The following SPTBN1 variants were observed in gnomAD, a reference collection of about 807,000 sequenced individuals.
SPTBN1 encodes the protein spectrin beta chain, non-erythrocytic 1.
SPTBN1 carries 32 observed loss-of-function variants against 266.4 expected under a neutral mutation model. The observed-to-expected ratio is 0.12, with a 90% CI of 0.09 to 0.16. The LOEUF (loss-of-function observed/expected upper bound fraction) is 0.16. SPTBN1 is among the 10% of genes least tolerant of loss of function. The probability of loss-of-function intolerance (pLI) is 1.00; values close to 1 mark genes in which losing one functional copy is unlikely to be tolerated. For missense variants in SPTBN1, 2,296 were observed against 3,067.1 expected (o/e 0.75, Z 5.94); for synonymous variants, 1,336 against 1,162.2 (o/e 1.15, Z -3.04).
At position 54,667,953 on chromosome 2, in the gene SPTBN1, G is replaced by A. The variant is rs559283215; in HGVS notation, c.6876+307G>A. Among the ~76,000 whole-genome samples, 5 of 152,192 alleles carry A rather than the reference G, an allele frequency of 3.3e-5. No homozygotes were observed. The South Asian group carries it at 1.0e-3, about 32-fold the overall frequency. The stretch of plus-strand genomic sequence containing the variant: ...TGTGGATCATGATGGGACCCCCGCT[G>A]CACCCTTCGCCAGCAGCCAGCTGTT... On this transcript the variant is annotated intron_variant, in intron 35 of 35. Coordinates refer to ENST00000356805, the MANE Select transcript of SPTBN1 (RefSeq NM_003128.3).
In SPTBN1 at chr2:54,609,709, G is replaced by A. The variant is rs376827592; in HGVS notation, c.301-2452G>A. Among the ~76,000 whole-genome samples the A allele has an allele frequency of 1.3e-4, 20 of 152,014 alleles. 1 individual carries two copies. The highest frequency in any genetic ancestry group is 1.3e-3 in the Admixed American group (20 of 15,274). On this transcript the variant is annotated intron_variant, in intron 3 of 35. Transcript: ENST00000356805. ...GTTGAACTCATGGGGTTCTGGGTGGGGGCATTATCCAATACCAAAAGAACT... is the reference window on the plus strand; with the variant it reads ...GTTGAACTCATGGGGTTCTGGGTGGAGGCATTATCCAATACCAAAAGAACT...
intron 1 of SPTBN1, among the ~76,000 whole-genome samples, chr2:54,461,218 G>A (rs1693351640): frequency 1.3e-5 from 2 of 152,118 alleles, no homozygotes; most frequent in South Asian, 4.1e-4. Context: ...TATACTTTAT[G>A]TATTCTTCTG....
At chr2:54,457,913 C>A (rs931538507) in intron 1 of SPTBN1, among the ~76,000 whole-genome samples, 1 of 152,234 alleles carries the variant, frequency 6.6e-6, no homozygotes, top group Non-Finnish European at 1.5e-5. Flanking sequence ...CAGAGGGGAG[C>A]CGGCCTGTGG....
rs761905565 is a variant in SPTBN1 at position 54,629,666 on chromosome 2, A to C, written c.2532A>C (p.Ala844=). Reference sequence around the variant, plus strand: ...AGCTGACGCGGCTGCGGAAGCAGGCACTCCAGGACACTCTGGCCCTGTACA... The same window carrying C: ...AGCTGACGCGGCTGCGGAAGCAGGCCCTCCAGGACACTCTGGCCCTGTACA... ...VAELTRLRKQ[A]LQDTLALYKM... The change falls in exon 14 of 36, where the codon GCA becomes GCC. Residue 844 remains alanine (A), a synonymous_variant. Coordinates refer to ENST00000356805, the MANE Select transcript of SPTBN1 (RefSeq NM_003128.3). 43 of 1,613,678 alleles carry C rather than the reference A, an allele frequency of 2.7e-5. No homozygotes were observed. Among genetic ancestry groups the C allele is most frequent in the Non-Finnish European group, 3.4e-5 (40 of 1,179,952 alleles).
chr2:54,541,219 T>C (rs1671915702), intron 2 of SPTBN1, among the ~76,000 whole-genome samples: 1 of 152,210 alleles, frequency 6.6e-6, no homozygotes, highest in Non-Finnish European at 1.5e-5. Context: ...CCATTATATG[T>C]CTCTACTATG....
chr2:54,496,492 T>G (rs1047117833), intron 1 of SPTBN1, among the ~76,000 whole-genome samples: 1 of 152,032 alleles, frequency 6.6e-6, no homozygotes. Flanking sequence ...ACATTTTTTT[T>G]GGAATACTTT....
chr2:54,498,783 T>A (rs758555296), intron 1 of SPTBN1, among the ~76,000 whole-genome samples: 1 of 152,216 alleles, frequency 6.6e-6, no homozygotes, highest in African/African-American at 2.4e-5. Context: ...TTGATAAATA[T>A]GTCTGGAGCC....
rs571001070 is a variant in SPTBN1 at position 54,558,724 on chromosome 2, G to A, written c.148+32158G>A. On this transcript the variant is annotated intron_variant, in intron 2 of 35. Coordinates refer to ENST00000356805, the MANE Select transcript of SPTBN1 (RefSeq NM_003128.3). The surrounding 1 kb of genome is among the most constrained non-coding windows in gnomAD (Gnocchi z 4.6). ...GCTGCGTGTTGGATGGGAGTGGGAG[G>A]GGGCTGGAGCGAGATTTCCAGGGCG... The A allele has an allele frequency of 7.5e-5, 119 of 1,583,230 alleles. No homozygotes were observed. The highest frequency in any genetic ancestry group is 1.0e-4 in the Admixed American group (6 of 58,304).
At chr2:54,497,988 G>A (rs932573131) in intron 1 of SPTBN1, among the ~76,000 whole-genome samples, 1 of 152,114 alleles carries the variant, frequency 6.6e-6, no homozygotes, top group Non-Finnish European at 1.5e-5. Context: ...CCCTCCAGTT[G>A]GCATTCTTGT....
At chr2:54,593,341 C>T (rs1573487128) in intron 2 of SPTBN1, among the ~76,000 whole-genome samples, 1 of 152,166 alleles carries the variant, frequency 6.6e-6, no homozygotes, top group East Asian at 1.9e-4. Flanking sequence ...CTTTCTGTCT[C>T]CCACCCCTGT....
chr2:54,497,696 C>G (rs1385134311), intron 1 of SPTBN1, among the ~76,000 whole-genome samples: 2 of 152,302 alleles, frequency 1.3e-5, no homozygotes, highest in East Asian at 1.9e-4. Flanking sequence ...AATTTAAAGA[C>G]TGCCTTGATG....
chr2:54,593,826 T>A (rs1675851604), intron 2 of SPTBN1, among the ~76,000 whole-genome samples: 1 of 74,134 alleles, frequency 1.3e-5, no homozygotes, highest in Non-Finnish European at 2.9e-5. Context: ...GGAAACACTT[T>A]TTTTTTTTTT....
At position 54,670,482 on chromosome 2, in the gene SPTBN1, C is replaced by T. The variant is rs1341237172; in HGVS notation, c.*1913C>T. 1 of 389,414 alleles carries T rather than the reference C, an allele frequency of 2.6e-6. No individual in the cohort carries two copies. The highest frequency in any genetic ancestry group is 4.5e-6 in the Non-Finnish European group (1 of 220,778). 24.1% of individuals were successfully genotyped at this position (389,414 alleles called of 1,614,324 possible). Reference sequence around the variant, plus strand: ...TTCTCTTAACTCTCTTACCTCTAGGCAAACTGAGACCTCACCATCCTCTCC... The same window carrying T: ...TTCTCTTAACTCTCTTACCTCTAGGTAAACTGAGACCTCACCATCCTCTCC... On this transcript the variant is annotated 3_prime_UTR_variant, in exon 36 of 36. Coordinates refer to ENST00000356805, the MANE Select transcript of SPTBN1 (RefSeq NM_003128.3).
intron 1 of SPTBN1, among the ~76,000 whole-genome samples, chr2:54,465,633 T>TTATAATATATATATATATATATA (rs1693586465): frequency 1.1e-5 from 1 of 91,018 alleles, no homozygotes; most frequent in Non-Finnish European, 2.1e-5. Context: ...CATATCATGT[T>TTATAATATATATATATATATATA]TATCTCATAT....
intron 1 of SPTBN1, among the ~76,000 whole-genome samples, chr2:54,484,963 A>G (rs541420110): frequency 2.6e-5 from 4 of 152,310 alleles, no homozygotes; most frequent in Admixed American, 6.5e-5. Flanking sequence ...CAAAAAATAC[A>G]AACCATTATC....
chr2:54,505,295 A>C (rs1398700840), intron 1 of SPTBN1, among the ~76,000 whole-genome samples: 1 of 152,206 alleles, frequency 6.6e-6, no homozygotes, highest in Non-Finnish European at 1.5e-5. Flanking sequence ...CACAGTACTC[A>C]GTTCTTTCTG....
intron 1 of SPTBN1, among the ~76,000 whole-genome samples, chr2:54,473,589 A>G (rs573513786): frequency 2.0e-5 from 3 of 152,212 alleles, no homozygotes; most frequent in Non-Finnish European, 2.9e-5. Flanking sequence ...GAGGTGAACT[A>G]CAGGCCACCA....
At chr2:54,560,545 G>T (rs1673228637) in intron 2 of SPTBN1, among the ~76,000 whole-genome samples, 1 of 152,060 alleles carries the variant, frequency 6.6e-6, no homozygotes, top group Non-Finnish European at 1.5e-5. Flanking sequence ...TCTGGACAAC[G>T]TAAAGTTTAA....
chr2:54,468,177 G>T (rs1236578409), intron 1 of SPTBN1, among the ~76,000 whole-genome samples: 1 of 151,874 alleles, frequency 6.6e-6, no homozygotes, highest in Non-Finnish European at 1.5e-5. Context: ...TGTGGTGGTG[G>T]GCTTCTCTAG....
Sources: gnomAD v4.1 joint callset for allele counts (sites outside exome capture counted in the v4.1 genomes callset) on GRCh38, gnomAD v4.1.1 for gene constraint, Gnocchi (gnomAD v3.1) non-coding constraint, MANE v1.5 for transcripts, NCBI Gene and HGNC (gene_info 2026-07-23, HGNC 2026-07-21) for gene names.